CUX2: variants seen among roughly 807,000 people sequenced by gnomAD.
CUX2 encodes cut like homeobox 2, also known as homeobox protein cut-like 2.
Under a neutral mutation model 144.8 loss-of-function variants are expected in CUX2, and 40 were observed. That is an observed-to-expected ratio of 0.28 (90% CI 0.21 to 0.36). The LOEUF (loss-of-function observed/expected upper bound fraction) is 0.36, where lower values mean the gene tolerates loss of function less well. CUX2 is among the 10% of genes least tolerant of loss of function. The pLI is 1.00. For synonymous variants in CUX2, 827 were observed against 875.6 expected (o/e 0.94, Z 0.98); for missense variants, 1,615 against 1,994.0 (o/e 0.81, Z 3.62).
intron 3 of CUX2, among the ~76,000 whole-genome samples, chr12:111,256,272 CT>C (rs1424600663): frequency 2.0e-5 from 3 of 152,110 alleles, no homozygotes; most frequent in Non-Finnish European, 4.4e-5. Flanking sequence ...GTGTGGCCCC[CT>C]GATCTGCATG....
At chr12:111,191,207 G>A (rs967735983) in intron 1 of CUX2, among the ~76,000 whole-genome samples, 2 of 152,142 alleles carry the variant, frequency 1.3e-5, no homozygotes, top group African/African-American at 2.4e-5. Flanking sequence ...AGCTGCAGAG[G>A]GGGTGAAATG....
intron 3 of CUX2, among the ~76,000 whole-genome samples, chr12:111,225,829 AG>A (rs1882106826): frequency 6.6e-6 from 1 of 152,240 alleles, no homozygotes. Flanking sequence ...TTCGAGCCCA[AG>A]TCTGTGTATC....
At chr12:111,165,676 G>A (rs1324950596) in intron 1 of CUX2, among the ~76,000 whole-genome samples, 5 of 152,196 alleles carry the variant, frequency 3.3e-5, no homozygotes, top group Non-Finnish European at 5.9e-5. Flanking sequence ...GAGAGTGTTC[G>A]TGCAGCAGTG....
intron 1 of CUX2, among the ~76,000 whole-genome samples, chr12:111,095,710 G>A (rs1872775226): frequency 1.3e-5 from 2 of 152,328 alleles, no homozygotes; most frequent in South Asian, 4.1e-4. Context: ...GACTCAGTGT[G>A]TGAGTTATAG....
chr12:111,041,347 A>C (rs1869733383), intron 1 of CUX2, among the ~76,000 whole-genome samples: 1 of 152,228 alleles, frequency 6.6e-6, no homozygotes, highest in South Asian at 2.1e-4. Context: ...AAAACCAAAT[A>C]AACAGCAGCG....
chr12:111,302,296 C>T (rs1293880357), intron 9 of CUX2, among the ~76,000 whole-genome samples: 2 of 152,064 alleles, frequency 1.3e-5, no homozygotes, highest in African/African-American at 2.4e-5. Context: ...AGTAATATAC[C>T]CTCATGATGT....
At chr12:111,167,544 G>T (rs774955403) in intron 1 of CUX2, among the ~76,000 whole-genome samples, 1 of 152,224 alleles carries the variant, frequency 6.6e-6, no homozygotes, top group African/African-American at 2.4e-5. Flanking sequence ...TTCAGGATTT[G>T]CAGTCATAGC....
chr12:111,088,398 T>C (rs948566211), intron 1 of CUX2, among the ~76,000 whole-genome samples: 9 of 152,172 alleles, frequency 5.9e-5, no homozygotes, highest in Admixed American at 5.9e-4. Flanking sequence ...CCAGCCTCTC[T>C]GTATTCTTTC....
intron 1 of CUX2, among the ~76,000 whole-genome samples, chr12:111,194,117 C>T (rs545511036): frequency 7.2e-5 from 11 of 152,248 alleles, no homozygotes; most frequent in African/African-American, 2.2e-4. Flanking sequence ...GTCACTAAAG[C>T]GAATCTCTAG....
chr12:111,041,646 GC>G (rs1869748073), intron 1 of CUX2, among the ~76,000 whole-genome samples: 1 of 152,234 alleles, frequency 6.6e-6, no homozygotes, highest in Non-Finnish European at 1.5e-5. Flanking sequence ...AAAATCAGGA[GC>G]TCTGGCCACT....
At chr12:111,179,655 T>C (rs943887262) in intron 1 of CUX2, among the ~76,000 whole-genome samples, 1 of 151,738 alleles carries the variant, frequency 6.6e-6, no homozygotes, top group African/African-American at 2.4e-5. Context: ...GTGTATGACA[T>C]GATTGGTCAG....
chr12:111,196,379 G>A (rs1450559256), intron 1 of CUX2, among the ~76,000 whole-genome samples: 2 of 152,202 alleles, frequency 1.3e-5, no homozygotes, highest in African/African-American at 2.4e-5. Context: ...GAATTGCTGG[G>A]TCATAAGATA....
At chr12:111,342,537 C>T (rs1315369764) in intron 21 of CUX2, among the ~76,000 whole-genome samples, 1 of 152,020 alleles carries the variant, frequency 6.6e-6, no homozygotes, top group Non-Finnish European at 1.5e-5. Context: ...CCATCACTTT[C>T]AGCTGTGGAG....
At chr12:111,211,726 A>G in intron 1 of CUX2, among the ~76,000 whole-genome samples, 1 of 152,208 alleles carries the variant, frequency 6.6e-6, no homozygotes, top group Non-Finnish European at 1.5e-5. Flanking sequence ...TCTACTAAAA[A>G]TACAAAAACT....
At chr12:111,185,156 A>G (rs77276419) in intron 1 of CUX2, among the ~76,000 whole-genome samples, 4,025 of 152,338 alleles carry the variant, frequency 0.026, 182 homozygotes, top group African/African-American at 0.091. Context: ...GCTTGAATAT[A>G]AGTAAAGTAT....
intron 1 of CUX2, among the ~76,000 whole-genome samples, chr12:111,191,687 C>T (rs563270389): frequency 3.7e-4 from 57 of 152,298 alleles, no homozygotes; most frequent in African/African-American, 1.3e-3. Flanking sequence ...CTGCCTTCTC[C>T]CATCTCATAC....
At chr12:111,097,287 C>T (rs1035940441) in intron 1 of CUX2, among the ~76,000 whole-genome samples, 4 of 152,194 alleles carry the variant, frequency 2.6e-5, no homozygotes, top group African/African-American at 9.7e-5. Context: ...CTCAGGTACT[C>T]AGATGCCTGT....
At chr12:111,285,236 C>T (rs111820468) in intron 4 of CUX2, among the ~76,000 whole-genome samples, 90 of 152,154 alleles carry the variant, frequency 5.9e-4, no homozygotes, top group Middle Eastern at 3.4e-3. Context: ...CTATCAGGCA[C>T]GAAAGGAATT....
intron 3 of CUX2, among the ~76,000 whole-genome samples, chr12:111,239,010 A>G (rs1882894093): frequency 6.6e-6 from 1 of 152,128 alleles, no homozygotes; most frequent in African/African-American, 2.4e-5. Flanking sequence ...ACACCACTGC[A>G]CTCCAGTGTG....
Sources: gnomAD v4.1 joint callset for allele counts (sites outside exome capture counted in the v4.1 genomes callset) on GRCh38, gnomAD v4.1.1 for gene constraint, MANE v1.5 for transcripts, NCBI Gene and HGNC (gene_info 2026-07-23, HGNC 2026-07-21) for gene names.